Variants in ATP1A4 observed in about 807,000 individuals in gnomAD.
ATP1A4 encodes the protein sodium/potassium-transporting ATPase subunit alpha-4.
Under a neutral mutation model 114.3 loss-of-function variants are expected in ATP1A4, and 90 were observed. That is an observed-to-expected ratio of 0.79 (90% CI 0.66 to 0.94). ATP1A4 has a LOEUF of 0.94. ATP1A4 is among the 40% of genes least tolerant of loss of function. The pLI, the probability that ATP1A4 is intolerant of heterozygous loss-of-function variation, is 0.00. For synonymous variants in ATP1A4, 511 were observed against 494.1 expected (o/e 1.03, Z -0.45); for missense variants, 1,222 against 1,313.6 (o/e 0.93, Z 1.08).
Position 160,164,280 on chromosome 1 carries a change from T to C in ATP1A4, c.903T>C (p.His301=). The C allele has an allele frequency of 3.7e-6, 6 of 1,614,210 alleles. No individual in the cohort carries two copies. The highest frequency in any genetic ancestry group is 5.1e-6 in the Non-Finnish European group (6 of 1,180,036). ...CTGCTGAGATCGAACACTTCATCCA[T>C]CTGATCACTGTGGTGGCCGTCTTCC... ...PIAAEIEHFI[H]LITVVAVFLG... The change falls in exon 7 of 22, where the codon CAT becomes CAC. Residue 301 remains histidine, a synonymous_variant. Coordinates refer to ENST00000368081, the MANE Select transcript of ATP1A4 (RefSeq NM_144699.4).
intron 6 of ATP1A4, among the ~76,000 whole-genome samples, chr1:160,163,879 C>A (rs529742632): frequency 5.9e-5 from 9 of 152,058 alleles, no homozygotes; most frequent in Non-Finnish European, 1.2e-4. Flanking sequence ...CCAAGAGTCA[C>A]CTCATTAGAA....
Position 160,171,404 on chromosome 1 carries a change from T to G in ATP1A4, c.1645T>G (p.Tyr549Asp). The change falls in exon 11 of 22, where the codon TAC (tyrosine) becomes GAC (aspartate). Residue 549 changes from tyrosine (Y) to aspartate (D), a missense_variant. Physicochemically the swap from Tyr to Asp is radical, Grantham distance 160. Coordinates refer to ENST00000368081, the MANE Select transcript of ATP1A4 (RefSeq NM_144699.4). ...AATGAAGGAAGCCTTCCAAAATGCC[T>G]ACTTAGAACTGGGAGGTCTGGGGGA... ...DEMKEAFQNA[Y>D]LELGGLGERV... 6.2e-7 allele frequency: 1 copy of G among 1,614,150 alleles called. No homozygotes were observed. Among genetic ancestry groups the G allele is most frequent in the Non-Finnish European group, 8.5e-7 (1 of 1,180,022 alleles).
intron 17 of ATP1A4, among the ~76,000 whole-genome samples, chr1:160,177,118 G>A (rs1278403689): frequency 6.6e-6 from 1 of 152,234 alleles, no homozygotes; most frequent in African/African-American, 2.4e-5. Context: ...AGCCTTGACA[G>A]ACATTTGAGA....
At chr1:160,174,481 A>G (rs970630060) in intron 14 of ATP1A4, 98 bp from the exon 15 acceptor site, 22 of 1,523,196 alleles carry the variant, frequency 1.4e-5, no homozygotes, top group Non-Finnish European at 1.9e-5. Context: ...GCATGATTAC[A>G]TCAGGAAACA....
intron 4 of ATP1A4, among the ~76,000 whole-genome samples, chr1:160,157,471 GACA>G (rs1370482667): frequency 6.6e-6 from 1 of 152,152 alleles, no homozygotes; most frequent in Non-Finnish European, 1.5e-5. Context: ...GTTTGCTTAG[GACA>G]ATGTCCTCCA....
At position 160,152,243 on chromosome 1, in the gene ATP1A4, T is replaced by G; in HGVS notation, c.147+56T>G. ...TGCCCTCTGAAAACACTCCTCCACC[T>G]ATCTTTAACATCTTACCTTGAGAAT... On this transcript the variant is annotated intron_variant, in intron 1 of 21. Transcript: ENST00000368081. 4 of 1,571,104 alleles carry G rather than the reference T, an allele frequency of 2.5e-6. 1 individual carries two copies. In the South Asian group the frequency reaches 4.7e-5, roughly 18 times the overall value.
At chr1:160,159,168 C>G (rs1206886260) in intron 5 of ATP1A4, 32 bp downstream of exon 5, 13 of 1,605,466 alleles carry the variant, frequency 8.1e-6, no homozygotes, top group Non-Finnish European at 1.1e-5. Flanking sequence ...TGTGAGGGAC[C>G]CAAGCGTGAT....
rs1163183518 is a variant in ATP1A4, at chr1:160,186,197, A to G, written c.2970-79A>G. On this transcript the variant is annotated intron_variant, in intron 20 of 21. Transcript: ENST00000368081. ...GTAGACACAAGCAATGAAACGTGCAATTCCTGTGCATTGCCCTCTGCACCT... is the reference window on the plus strand; with the variant it reads ...GTAGACACAAGCAATGAAACGTGCAGTTCCTGTGCATTGCCCTCTGCACCT... The G allele has an allele frequency of 4.1e-6, 4 of 972,978 alleles. No individual in the cohort carries two copies. In the African/African-American group the frequency reaches 4.8e-5, roughly 12 times the overall value. The allele number at this position is 972,978 out of a possible 1,614,324, so 60.3% of individuals were successfully genotyped here. A position where few individuals can be genotyped will look rare whatever the true frequency, so the allele number is the denominator to read the frequency against.
intron 20 of ATP1A4, 124 bp from the exon 21 acceptor site, chr1:160,186,152 A>G: frequency 1.6e-6 from 1 of 639,046 alleles, no homozygotes; most frequent in South Asian, 1.4e-5. Context: ...TCCAGCACCC[A>G]GCACAGTCCC....
intron 12 of ATP1A4, among the ~76,000 whole-genome samples, chr1:160,173,015 G>A (rs571047158): frequency 6.6e-6 from 1 of 152,320 alleles, no homozygotes; most frequent in South Asian, 2.1e-4. Flanking sequence ...AGTGTGGCAA[G>A]TGCTGAAATA....
chr1:160,181,816 T>G lies in ATP1A4; in HGVS notation c.2867+2T>G, dbSNP rs546811770. 6.3e-7 allele frequency: 1 copy of G among 1,584,950 alleles called. No homozygotes were observed. Among genetic ancestry groups the G allele is most frequent in the Non-Finnish European group, 8.5e-7 (1 of 1,170,574 alleles). The stretch of plus-strand genomic sequence containing the variant: ...CTCACTTTTCCAGCAGGGCATGAGG[T>G]GAACATCTCACAAAACAGCCCAGCA... On this transcript the variant is annotated splice_donor_variant, in intron 19 of 21. Coordinates refer to ENST00000368081, the MANE Select transcript of ATP1A4 (RefSeq NM_144699.4). LOFTEE classifies it high-confidence loss of function.
At chr1:160,182,807 G>A (rs1211855996) in intron 20 of ATP1A4, 1 of 152,478 alleles carries the variant, frequency 6.6e-6, no homozygotes, top group East Asian at 1.9e-4. Context: ...AAGCAGCTGG[G>A]ATTACAGGCA....
At position 160,167,062 on chromosome 1, in the gene ATP1A4, C is replaced by G. The variant is rs748827751; in HGVS notation, c.1341C>G (p.Ile447Met). Reference sequence around the variant, plus strand: ...CTGACTTTAAGGCTAATCAGGAGATCCTGCCCATTGCTAAGGTGTCAGGCC... The same window carrying G: ...CTGACTTTAAGGCTAATCAGGAGATGCTGCCCATTGCTAAGGTGTCAGGCC... The part of the protein sequence containing the change: ...NRADFKANQE[I>M]LPIAKRATTG... The change falls in exon 9 of 22, where the codon ATC (isoleucine) becomes ATG (methionine). Residue 447 changes from isoleucine (I) to methionine (M), a missense_variant. By Grantham distance (10) the Ile-to-Met change is conservative. Transcript: ENST00000368081. The G allele has an allele frequency of 1.9e-6, 3 of 1,614,062 alleles. No individual in the cohort carries two copies. Among genetic ancestry groups the G allele is most frequent in the Non-Finnish European group, 2.5e-6 (3 of 1,179,962 alleles).
chr1:160,178,215 C>T (rs574432980), intron 18 of ATP1A4, among the ~76,000 whole-genome samples: 112 of 151,408 alleles, frequency 7.4e-4, no homozygotes, highest in African/African-American at 2.5e-3. Context: ...ATTAGCCGGG[C>T]GTGGTGGCGC....
chr1:160,157,303 C>T (rs1652706105), intron 4 of ATP1A4, among the ~76,000 whole-genome samples: 1 of 152,108 alleles, frequency 6.6e-6, no homozygotes, highest in African/African-American at 2.4e-5. Flanking sequence ...AAGCATAGTA[C>T]CTGATAGGTA....
intron 12 of ATP1A4, 55 bp downstream of exon 12, chr1:160,171,812 C>A (rs781685172): frequency 1.5e-5 from 23 of 1,574,740 alleles, no homozygotes; most frequent in Non-Finnish European, 1.9e-5. Flanking sequence ...GAAGCATCTA[C>A]TAGAAGGCCT....
At chr1:160,164,492 G>C (rs542724778) in intron 7 of ATP1A4, 68 bp downstream of exon 7, 2 of 1,538,532 alleles carry the variant, frequency 1.3e-6, no homozygotes, top group African/African-American at 1.4e-5. Context: ...GATCACTAGC[G>C]TCTCTTTTGT....
chr1:160,173,990 G>GGGCTAT, intron 13 of ATP1A4, 121 bp from the exon 14 acceptor site: 2 of 1,280,132 alleles, frequency 1.6e-6, no homozygotes, highest in Non-Finnish European at 2.1e-6. Flanking sequence ...TATAGGGCTA[G>GGGCTAT]GGACAAGTGA....
chr1:160,177,684 T>G lies in ATP1A4; in HGVS notation c.2736+20T>G. The G allele has an allele frequency of 1.2e-6, 2 of 1,613,588 alleles. No homozygotes were observed. Among genetic ancestry groups the G allele is most frequent in the Non-Finnish European group, 1.7e-6 (2 of 1,179,662 alleles). Reference sequence around the variant, plus strand: ...CAGTGGGTGAGTAGAAGGGATAAGGTAGGAGCTGAGACCAGTAAGAGTGAG... The same window carrying G: ...CAGTGGGTGAGTAGAAGGGATAAGGGAGGAGCTGAGACCAGTAAGAGTGAG... On this transcript the variant is annotated intron_variant, in intron 18 of 21. Coordinates refer to ENST00000368081, the MANE Select transcript of ATP1A4 (RefSeq NM_144699.4).
Sources: allele counts gnomAD v4.1 joint callset (sites outside exome capture counted in the v4.1 genomes callset), GRCh38; gene constraint gnomAD v4.1.1; transcripts MANE v1.5; gene names NCBI Gene and HGNC (gene_info 2026-07-23, HGNC 2026-07-21).